The following ALMS1 variants were observed in gnomAD, a reference collection of about 807,000 sequenced individuals.
ALMS1 encodes ALMS1 centrosome and basal body associated protein.
In ALMS1, 271 loss-of-function variants were observed where a neutral mutation model predicts 352.2. The observed-to-expected ratio is 0.77, with a 90% CI of 0.70 to 0.85. The LOEUF (loss-of-function observed/expected upper bound fraction) is 0.85, where lower values mean the gene tolerates loss of function less well. Ranked by LOEUF, ALMS1 falls within the 40% of genes least tolerant of loss-of-function variation. ALMS1 has a pLI of 0.00. For missense variants in ALMS1, 5,445 were observed against 4,870.7 expected (o/e 1.12, Z -3.51); for synonymous variants, 1,865 against 1,761.2 (o/e 1.06, Z -1.48).
At chr2:73,465,767 A>G (rs1324019135) in intron 9 of ALMS1, among the ~76,000 whole-genome samples, 2 of 152,066 alleles carry the variant, frequency 1.3e-5, no homozygotes, top group East Asian at 3.9e-4. Context: ...TCCAGAATCT[A>G]CAATGAACTC....
chr2:73,502,952 CT>C (rs1673246839), intron 10 of ALMS1, among the ~76,000 whole-genome samples: 1 of 152,150 alleles, frequency 6.6e-6, no homozygotes, highest in African/African-American at 2.4e-5. Flanking sequence ...TGCACAATCA[CT>C]TTCGTGTAAT....
chr2:73,550,217 A>G, intron 12 of ALMS1, 50 bp from the exon 13 acceptor site: 1 of 1,605,892 alleles, frequency 6.2e-7, no homozygotes, highest in Non-Finnish European at 8.5e-7. Flanking sequence ...AGTCTTTCTC[A>G]ATCTCATGTC....
chr2:73,574,680 T>C (rs1675015564), intron 16 of ALMS1, among the ~76,000 whole-genome samples: 1 of 152,108 alleles, frequency 6.6e-6, no homozygotes, highest in South Asian at 2.1e-4. Flanking sequence ...AGTGAAGAAT[T>C]GGGAATGGTA....
intron 9 of ALMS1, chr2:73,457,211 G>C (rs1207362958): frequency 1.3e-5 from 2 of 152,056 alleles, no homozygotes; most frequent in Non-Finnish European, 2.9e-5. Flanking sequence ...CTCATTTCTT[G>C]TATCTATATA....
intron 16 of ALMS1, among the ~76,000 whole-genome samples, chr2:73,583,947 T>C (rs992032772): frequency 2.6e-5 from 4 of 152,206 alleles, no homozygotes; most frequent in African/African-American, 9.6e-5. Context: ...TCTTTCAAAG[T>C]TGTTTTGGCT....
intron 8 of ALMS1, 91 bp from the exon 9 acceptor site, chr2:73,455,066 TATTAA>T: frequency 7.5e-7 from 1 of 1,329,662 alleles, no homozygotes; most frequent in Non-Finnish European, 1.1e-6. Flanking sequence ...TTGCAGTGGG[TATTAA>T]ATTGCATATA....
At chr2:73,562,322 C>A (rs1051980730) in intron 15 of ALMS1, among the ~76,000 whole-genome samples, 1 of 152,072 alleles carries the variant, frequency 6.6e-6, no homozygotes, top group Non-Finnish European at 1.5e-5. Flanking sequence ...CATGCTACCA[C>A]ACCTGGCTTG....
chr2:73,456,368 A>G (rs1672059149), intron 9 of ALMS1, among the ~76,000 whole-genome samples: 1 of 152,174 alleles, frequency 6.6e-6, no homozygotes, highest in African/African-American at 2.4e-5. Context: ...GTGTGATTAC[A>G]TGATAATTTA....
At chr2:73,392,260 A>ATGTGTGTG (rs60487895) in intron 1 of ALMS1, among the ~76,000 whole-genome samples, 3 of 146,356 alleles carry the variant, frequency 2.0e-5, no homozygotes, top group Admixed American at 6.8e-5. Flanking sequence ...GTTTACTTTG[A>ATGTGTGTG]TGTGTGTGTG....
At chr2:73,574,688 G>A (rs1451992798) in intron 16 of ALMS1, among the ~76,000 whole-genome samples, 1 of 152,248 alleles carries the variant, frequency 6.6e-6, no homozygotes, top group Non-Finnish European at 1.5e-5. Flanking sequence ...ATTGGGAATG[G>A]TACAGAGTAA....
At chr2:73,543,096 C>A (rs539290395) in intron 12 of ALMS1, among the ~76,000 whole-genome samples, 1 of 152,152 alleles carries the variant, frequency 6.6e-6, no homozygotes, top group South Asian at 2.1e-4. Context: ...GGAGGCATGA[C>A]GCTACCTGAC....
chr2:73,605,591 A>G (rs571708129), intron 21 of ALMS1, among the ~76,000 whole-genome samples: 95 of 152,316 alleles, frequency 6.2e-4, no homozygotes, highest in African/African-American at 2.2e-3. Flanking sequence ...GCTCACGCCT[A>G]TAATCCCAAC....
intron 10 of ALMS1, among the ~76,000 whole-genome samples, chr2:73,507,108 C>T (rs184785177): frequency 1.3e-5 from 2 of 152,140 alleles, no homozygotes; most frequent in East Asian, 3.9e-4. Context: ...TTGAACCAGC[C>T]TTACATCCCA....
intron 9 of ALMS1, among the ~76,000 whole-genome samples, chr2:73,480,068 TTTTA>T (rs1472729463): frequency 2.0e-5 from 3 of 151,672 alleles, no homozygotes; most frequent in East Asian, 1.9e-4. Flanking sequence ...TTATTTTTAT[TTTTA>T]TTTATTTATT....
chr2:73,533,830 G>C (rs1235997235), intron 11 of ALMS1, among the ~76,000 whole-genome samples: 2 of 152,332 alleles, frequency 1.3e-5, no homozygotes, highest in East Asian at 3.9e-4. Context: ...TGGAGGAAGA[G>C]TAAATTGTCG....
intron 22 of ALMS1, 80 bp downstream of exon 22, chr2:73,608,654 G>C: frequency 8.8e-7 from 1 of 1,138,524 alleles, no homozygotes; most frequent in Non-Finnish European, 1.3e-6. Context: ...GTTGCCTGTT[G>C]AGTGTGAAGT....
intron 3 of ALMS1, 133 bp from the exon 4 acceptor site, chr2:73,422,724 C>T: frequency 1.3e-6 from 1 of 770,450 alleles, no homozygotes; most frequent in South Asian, 1.5e-5. Flanking sequence ...ACTGCTGTTG[C>T]TTTTATATTA....
intron 9 of ALMS1, among the ~76,000 whole-genome samples, chr2:73,473,033 T>C (rs138284257): frequency 1.8e-3 from 268 of 152,116 alleles, no homozygotes; most frequent in African/African-American, 6.2e-3. Context: ...ATAAGGACTT[T>C]TAAATGCTTT....
intron 9 of ALMS1, among the ~76,000 whole-genome samples, chr2:73,473,165 G>A (rs1249546556): frequency 2.0e-5 from 3 of 152,078 alleles, no homozygotes; most frequent in African/African-American, 4.8e-5. Context: ...GCCTAACTAA[G>A]TAGGATGTGA....
Sources: gnomAD v4.1 joint callset for allele counts (sites outside exome capture counted in the v4.1 genomes callset) on GRCh38, gnomAD v4.1.1 for gene constraint, MANE v1.5 for transcripts, NCBI Gene and HGNC (gene_info 2026-07-23, HGNC 2026-07-21) for gene names.